The following WAS variants were observed in gnomAD, a reference collection of about 807,000 sequenced individuals.
WAS encodes the protein WASP actin nucleation promoting factor.
In WAS, 1 loss-of-function variant was observed where a neutral mutation model predicts 38.9. That is an observed-to-expected ratio of 0.03 (90% CI 0.01 to 0.12). The LOEUF (loss-of-function observed/expected upper bound fraction) is 0.12. Ranked by LOEUF, WAS falls within the 10% of genes least tolerant of loss-of-function variation. The pLI, the probability that WAS is intolerant of heterozygous loss-of-function variation, is 1.00. For missense variants in WAS, 311 were observed against 431.2 expected (o/e 0.72, Z 2.47); for synonymous variants, 182 against 173.6 (o/e 1.05, Z -0.38).
chrX:48,681,681 C>A (rs782319413), upstream of WAS, among the ~76,000 whole-genome samples: 2 of 112,518 alleles, frequency 1.8e-5, no homozygotes, highest in South Asian at 3.6e-4. Flanking sequence ...ACAATGAACA[C>A]GTGCAATGGC....
At chrX:48,691,021 A>T (rs1346988276) in intron 11 of WAS, 86 bp from the exon 12 acceptor site, 1 of 882,778 alleles carries the variant, frequency 1.1e-6, no homozygotes, top group Non-Finnish European at 1.7e-6. Flanking sequence ...AGACCTCAGA[A>T]CCCCAGGGTC....
At chrX:48,690,923 A>C (rs2062437806) in intron 11 of WAS, among the ~76,000 whole-genome samples, 184 bp from the exon 12 acceptor site, 1 of 111,085 alleles carries the variant, frequency 9.0e-6, no homozygotes, top group South Asian at 3.8e-4. Context: ...TTGACAGCAT[A>C]AACTTCAACT....
upstream of WAS, among the ~76,000 whole-genome samples, chrX:48,681,713 T>C (rs2062400743): frequency 8.9e-6 from 1 of 112,302 alleles, no homozygotes; most frequent in Admixed American, 9.4e-5. Context: ...CATCGGGGCT[T>C]GCCCTGATCA....
chrX:48,691,197 C>A lies in WAS; in HGVS notation c.*35C>A, dbSNP rs781928233. 2 of 1,189,061 alleles carry A rather than the reference C, an allele frequency of 1.7e-6. No individual in the cohort carries two copies. Among genetic ancestry groups the A allele is most frequent in the Non-Finnish European group, 2.3e-6 (2 of 875,559 alleles). On this transcript the variant is annotated 3_prime_UTR_variant, in exon 12 of 12. Coordinates refer to ENST00000376701, the MANE Select transcript of WAS (RefSeq NM_000377.3). Reference sequence around the variant, plus strand: ...TTACTTGCTGCCCTGTGCTCCTCCCCGCAGGACATGGCTCCCCCTCCACCT... The same window carrying A: ...TTACTTGCTGCCCTGTGCTCCTCCCAGCAGGACATGGCTCCCCCTCCACCT...
At chrX:48,691,045 C>T (rs1019620960) in intron 11 of WAS, 62 bp from the exon 12 acceptor site, 6 of 1,101,469 alleles carry the variant, frequency 5.4e-6, no homozygotes, top group Non-Finnish European at 6.3e-6. Context: ...TCCTCACCTC[C>T]CAGGCCCTAT....
chrX:48,691,014 C>A, intron 11 of WAS, 93 bp from the exon 12 acceptor site: 1 of 817,891 alleles, frequency 1.2e-6, no homozygotes, highest in Admixed American at 2.4e-5. Flanking sequence ...TAGCATGAGA[C>A]CTCAGAACCC....
rs1557006217 is a variant in WAS, at chrX:48,683,884, G to A, written c.31G>A (p.Gly11Arg). ...TGGGGGCCCAATGGGAGGAAGGCCC[G>A]GGGGCCGAGGAGCACCAGCGGTTCA... MSGGPMGGRP[G>R]GRGAPAVQQN... The change falls in exon 1 of 12, where the codon GGG becomes AGG. Residue 11 changes from glycine to arginine, a missense_variant. Physicochemically the swap from Gly to Arg is moderately radical, Grantham distance 125. Coordinates refer to ENST00000376701, the MANE Select transcript of WAS (RefSeq NM_000377.3). 3 of 1,211,366 alleles carry A rather than the reference G, an allele frequency of 2.5e-6. No individual in the cohort carries two copies. The highest frequency in any genetic ancestry group is 1.8e-5 in the South Asian group (1 of 56,980).
At chrX:48,677,174 G>A (rs1431674238) in intron 1 of WAS, among the ~76,000 whole-genome samples, 1 of 111,335 alleles carries the variant, frequency 9.0e-6, no homozygotes, top group East Asian at 2.8e-4. Flanking sequence ...GAGGGCTCCA[G>A]GAGCCTGTCC....
chrX:48,686,412 G>A (rs1399551696), intron 6 of WAS, among the ~76,000 whole-genome samples: 2 of 111,974 alleles, frequency 1.8e-5, no homozygotes, highest in Non-Finnish European at 3.8e-5. Flanking sequence ...GTAGATGGAT[G>A]ACTGAGTAAA....
chrX:48,680,414 C>A (rs1315050013), upstream of WAS, among the ~76,000 whole-genome samples: 2 of 110,687 alleles, frequency 1.8e-5, no homozygotes, highest in Non-Finnish European at 3.8e-5. Flanking sequence ...GGGCTACTCC[C>A]AGGAGGTTAG....
In WAS at chrX:48,688,903, C is replaced by T. The variant is rs782546323; in HGVS notation, c.1175C>T (p.Pro392Leu). 5 of 1,166,719 alleles carry T rather than the reference C, an allele frequency of 4.3e-6. No homozygotes were observed. In the Admixed American group the frequency reaches 1.3e-4, roughly 29 times the overall value. Residue 392 changes from proline to leucine, a missense_variant, in exon 10 of 12, where the codon CCC becomes CTC. Pro to Leu is a moderately conservative substitution (Grantham distance 98). Transcript: ENST00000376701. Reference protein sequence around the residue: ...PPPPPGAGGPPMPPPPPPPPP... With the variant: ...PPPPPGAGGPLMPPPPPPPPP... ...CCACCCCCTGGAGCTGGTGGGCCAC[C>T]CATGCCACCACCACCGCCACCACCG...
chrX:48,679,697 T>G (rs1165452504), upstream of WAS, among the ~76,000 whole-genome samples: 4 of 111,295 alleles, frequency 3.6e-5, no homozygotes, highest in African/African-American at 1.3e-4. Flanking sequence ...GGCAGGAGGA[T>G]CCCTTGAGCC....
At chrX:48,677,301 G>A (rs2062393019) in intron 1 of WAS, among the ~76,000 whole-genome samples, 1 of 111,051 alleles carries the variant, frequency 9.0e-6, no homozygotes, top group South Asian at 3.8e-4. Context: ...ACCAATGGTG[G>A]TGGAACCTGG....
intron 1 of WAS, among the ~76,000 whole-genome samples, chrX:48,677,865 G>A (rs2062394227): frequency 8.9e-6 from 1 of 112,215 alleles, no homozygotes; most frequent in African/African-American, 3.2e-5. Context: ...TGTTGGAAGA[G>A]GGCAGTAAAT....
Position 48,689,450 on chromosome X carries a change from C to T in WAS, c.1453+16C>T, listed in dbSNP as rs200543049. The T allele has an allele frequency of 1.5e-3, 1,751 of 1,188,626 alleles. 1 individual carries two copies. Among genetic ancestry groups the T allele is most frequent in the Middle Eastern group, 9.1e-3 (39 of 4,297 alleles). ...CACTCCTCCGGTGAGCTGATCCTGC[C>T]GGGGCCTCAAACCTGGCTCCCAGGG... On this transcript the variant is annotated intron_variant, in intron 11 of 11. Coordinates refer to ENST00000376701, the MANE Select transcript of WAS (RefSeq NM_000377.3).
rs782761074 is a variant in WAS, at chrX:48,688,878, C to T, written c.1150C>T (p.Pro384Ser). Residue 384 changes from proline to serine, a missense_variant, in exon 10 of 12, where the codon CCA (proline) becomes TCA (serine). Around this residue, in one of 4 missense-constraint regions of WAS, gnomAD observed 142 missense variants for 157.6 expected, o/e 0.90. Coordinates refer to ENST00000376701, the MANE Select transcript of WAS (RefSeq NM_000377.3). ...TGGACGTTCTGGACCACTGCCCCCT[C>T]CACCCCCTGGAGCTGGTGGGCCACC... is the stretch of plus-strand genomic sequence containing the variant. ...ATGRSGPLPP[P>S]PPGAGGPPMP... The T allele has an allele frequency of 4.7e-5, 55 of 1,162,521 alleles. No homozygotes were observed. The highest frequency in any genetic ancestry group is 5.9e-5 in the Non-Finnish European group (51 of 871,190).
chrX:48,689,177 G>C, intron 10 of WAS, 111 bp downstream of exon 10: 2 of 979,085 alleles, frequency 2.0e-6, no homozygotes, highest in South Asian at 4.1e-5. Flanking sequence ...AGGCCTTAGG[G>C]ATTCAGTGAT....
At chrX:48,681,023 G>T (rs2062399514), upstream of WAS, among the ~76,000 whole-genome samples, 1 of 111,782 alleles carries the variant, frequency 8.9e-6, no homozygotes, top group Non-Finnish European at 1.9e-5. Context: ...GCCTCCATGT[G>T]GCACCTCACA....
chrX:48,686,405 G>C (rs1315787011), intron 6 of WAS, among the ~76,000 whole-genome samples: 1 of 112,139 alleles, frequency 8.9e-6, no homozygotes, highest in Non-Finnish European at 1.9e-5. Context: ...TGAAAAGGTA[G>C]ATGGATGACT....
Sources: allele counts gnomAD v4.1 joint callset (sites outside exome capture counted in the v4.1 genomes callset), GRCh38; gene constraint gnomAD v4.1.1; regional missense constraint gnomAD v4.1.1; transcripts MANE v1.5; gene names NCBI Gene and HGNC (gene_info 2026-07-23, HGNC 2026-07-21).